The following FGGY variants were observed in gnomAD, a reference collection of about 807,000 sequenced individuals.
FGGY encodes the protein FGGY carbohydrate kinase domain containing, also known as FGGY carbohydrate kinase domain-containing protein.
FGGY carries 72 observed loss-of-function variants against 71.3 expected under a neutral mutation model. That is an observed-to-expected ratio of 1.01 (90% CI 0.84 to 1.23). The LOEUF (loss-of-function observed/expected upper bound fraction) is 1.23. Among genes scored for constraint, FGGY ranks in the 50% most tolerant of loss-of-function variants. The probability of loss-of-function intolerance (pLI) is 0.00; values close to 1 mark genes in which losing one functional copy is unlikely to be tolerated. For missense variants in FGGY, 668 were observed against 682.3 expected (o/e 0.98, Z 0.23); for synonymous variants, 251 against 250.3 (o/e 1.00, Z -0.02).
At chr1:59,714,064 G>T (rs1482445177) in intron 14 of FGGY, among the ~76,000 whole-genome samples, 1 of 152,190 alleles carries the variant, frequency 6.6e-6, no homozygotes, top group African/African-American at 2.4e-5. Flanking sequence ...AAGTGGAAGG[G>T]TGATAATATA....
intron 5 of FGGY, among the ~76,000 whole-genome samples, chr1:59,426,929 AT>A (rs1350614967): frequency 4.0e-5 from 6 of 151,426 alleles, no homozygotes; most frequent in African/African-American, 1.5e-4. Flanking sequence ...AGCTTTGATT[AT>A]TATGATCATG....
At chr1:59,702,089 A>G (rs1186917607) in intron 14 of FGGY, among the ~76,000 whole-genome samples, 1 of 152,124 alleles carries the variant, frequency 6.6e-6, no homozygotes, top group Non-Finnish European at 1.5e-5. Flanking sequence ...GAGAGAGAGC[A>G]GGGGAAACTG....
intron 5 of FGGY, among the ~76,000 whole-genome samples, chr1:59,389,541 G>C (rs972229041): frequency 6.6e-6 from 1 of 152,132 alleles, no homozygotes; most frequent in South Asian, 2.1e-4. Context: ...ATGCTGTGGC[G>C]AACATTGGTA....
At chr1:59,313,754 A>G (rs2044829495) in intron 1 of FGGY, among the ~76,000 whole-genome samples, 1 of 152,220 alleles carries the variant, frequency 6.6e-6, no homozygotes, top group Non-Finnish European at 1.5e-5. Context: ...GAGCTAAGCT[A>G]TGAGGATGCA....
chr1:59,316,286 T>A (rs1303826567), intron 1 of FGGY: 1 of 152,220 alleles, frequency 6.6e-6, no homozygotes, highest in Non-Finnish European at 1.5e-5. Context: ...TTCTGTGCAC[T>A]GTCACCAAAT....
At chr1:59,488,650 T>A (rs186306082) in intron 6 of FGGY, among the ~76,000 whole-genome samples, 1 of 150,782 alleles carries the variant, frequency 6.6e-6, no homozygotes, top group African/African-American at 2.4e-5. Context: ...TTTATATGCA[T>A]GTTGTTAAAA....
Position 59,457,086 on chromosome 1 carries a change from T to A in FGGY, c.670+10T>A, listed in dbSNP as rs1213246700. The A allele has an allele frequency of 6.4e-7, 1 of 1,565,564 alleles. No individual in the cohort carries two copies. The highest frequency in any genetic ancestry group is 1.7e-5 in the Admixed American group (1 of 59,940). On this transcript the variant is annotated intron_variant, in intron 6 of 15. Coordinates refer to ENST00000303721, the MANE Select transcript of FGGY (RefSeq NM_018291.5). The stretch of plus-strand genomic sequence containing the variant: ...AATTACAGCAAAATAGGTAAAAGAA[T>A]AAAACATCTGTAGAGTGATTATGTG...
At chr1:59,546,535 GATTATT>G (rs747576612) in intron 7 of FGGY, among the ~76,000 whole-genome samples, 1,540 of 129,306 alleles carry the variant, frequency 0.012, 20 homozygotes, top group Non-Finnish European at 0.014. Context: ...TGATGATGAT[GATTATT>G]ATTATTATTA....
In FGGY at chr1:59,325,722, A is replaced by C. The variant is rs74085541; in HGVS notation, c.201+3972A>C. Among the ~76,000 whole-genome samples the C allele has an allele frequency of 8.4e-3, 1,275 of 152,306 alleles. 21 individuals carry two copies. The highest frequency in any genetic ancestry group is 0.029 in the African/African-American group (1,201 of 41,548). ...AGCTAAAAACAAAGAGACAAAATCC[A>C]ATCTAGCATTCCTTATCTTGTTTCA... On this transcript the variant is annotated intron_variant, in intron 2 of 15. Coordinates refer to ENST00000303721, the MANE Select transcript of FGGY (RefSeq NM_018291.5).
chr1:59,493,401 G>GT (rs1234647430), intron 6 of FGGY, among the ~76,000 whole-genome samples: 2 of 125,904 alleles, frequency 1.6e-5, no homozygotes, highest in African/African-American at 6.5e-5. Context: ...GTGTTCATTA[G>GT]TGGCAGAACT....
intron 5 of FGGY, among the ~76,000 whole-genome samples, chr1:59,400,848 T>C (rs2061870483): frequency 6.6e-6 from 1 of 152,132 alleles, no homozygotes; most frequent in Non-Finnish European, 1.5e-5. Context: ...CATGGCTCAC[T>C]GCAGCCTTGA....
At position 59,512,354 on chromosome 1, in the gene FGGY, C is replaced by A. The variant is rs1367411784; in HGVS notation, c.714C>A (p.Leu238=). The change falls in exon 7 of 16, where the codon CTC becomes CTA. Residue 238 remains leucine, a synonymous_variant. Coordinates refer to ENST00000303721, the MANE Select transcript of FGGY (RefSeq NM_018291.5). The stretch of plus-strand genomic sequence containing the variant: ...CTGGAGCTTCTCTTGGAAATGGGCT[C>A]ACACCAGAGGCAGCAAGAGACCTTG... The part of the protein sequence containing the change: ...LPPGASLGNG[L]TPEAARDLGL... 1 of 1,613,588 alleles carries A rather than the reference C, an allele frequency of 6.2e-7. No homozygotes were observed. The highest frequency in any genetic ancestry group is 1.7e-5 in the Admixed American group (1 of 59,976).
rs1362650247 is a variant in FGGY, at chr1:59,317,200, TTTG to T, written c.-14-4330_-14-4328del. On this transcript the variant is annotated intron_variant, in intron 1 of 15. Transcript: ENST00000303721. ...AGCTCAATAGATATTTCTTGCTGCATTTGTTGTTCTTATTGAAGAAGTAATCAA... is the reference window on the plus strand; with the variant it reads ...AGCTCAATAGATATTTCTTGCTGCATTTGTTCTTATTGAAGAAGTAATCAA... Among the ~76,000 whole-genome samples, 82 of 152,332 alleles carry T rather than the reference TTTG, an allele frequency of 5.4e-4. 1 individual carries two copies. The highest frequency in any genetic ancestry group is 1.7e-3 in the African/African-American group (70 of 41,576).
At chr1:59,403,026 C>T (rs891165578) in intron 5 of FGGY, among the ~76,000 whole-genome samples, 1 of 152,048 alleles carries the variant, frequency 6.6e-6, no homozygotes, top group Non-Finnish European at 1.5e-5. Flanking sequence ...ACGTGTGAGT[C>T]TAAGCCTATT....
At chr1:59,318,300 C>G (rs937219207) in intron 1 of FGGY, among the ~76,000 whole-genome samples, 9 of 152,118 alleles carry the variant, frequency 5.9e-5, no homozygotes, top group African/African-American at 2.2e-4. Context: ...TTTATTTCCC[C>G]AGTGATGAAT....
In FGGY at chr1:59,641,269, G is replaced by A. The variant is rs199727905; in HGVS notation, c.1221+2894G>A. 6.0e-4 allele frequency: 964 copies of A among 1,605,598 alleles called. 71 individuals carry two copies. In the African/African-American group the frequency reaches 0.012, roughly 19 times the overall value. On this transcript the variant is annotated intron_variant, in intron 11 of 15. Coordinates refer to ENST00000303721, the MANE Select transcript of FGGY (RefSeq NM_018291.5). The stretch of plus-strand genomic sequence containing the variant: ...AATAATAAAAAAAGAAAATTTTCTC[G>A]GATTTCTCAGAGAACCACTGGATAT...
intron 7 of FGGY, among the ~76,000 whole-genome samples, chr1:59,522,644 T>A (rs756686993): frequency 6.6e-6 from 1 of 152,206 alleles, no homozygotes; most frequent in African/African-American, 2.4e-5. Context: ...TCTCAAAGAT[T>A]AATCTTAATC....
At chr1:59,490,685 T>A (rs1214549524) in intron 6 of FGGY, among the ~76,000 whole-genome samples, 1 of 152,148 alleles carries the variant, frequency 6.6e-6, no homozygotes, top group African/African-American at 2.4e-5. Context: ...CCATTTTGAG[T>A]TGTTTTTTGC....
intron 14 of FGGY, among the ~76,000 whole-genome samples, chr1:59,750,668 G>A (rs1014867495): frequency 6.6e-6 from 1 of 152,138 alleles, no homozygotes; most frequent in Non-Finnish European, 1.5e-5. Context: ...AGAATACCAG[G>A]TGCAGGTCAA....
Sources: gnomAD v4.1 joint callset for allele counts (sites outside exome capture counted in the v4.1 genomes callset) on GRCh38, gnomAD v4.1.1 for gene constraint, MANE v1.5 for transcripts, NCBI Gene and HGNC (gene_info 2026-07-23, HGNC 2026-07-21) for gene names.